Variants in IMMP1L observed in about 807,000 individuals in gnomAD.
The protein encoded by IMMP1L is inner mitochondrial membrane peptidase subunit 1.
In IMMP1L, 24 loss-of-function variants were observed where a neutral mutation model predicts 21.8. That is an observed-to-expected ratio of 1.10 (90% confidence interval 0.80 to 1.55). IMMP1L has a LOEUF of 1.55. Among genes scored for constraint, IMMP1L ranks in the 40% most tolerant of loss-of-function variants. The probability of loss-of-function intolerance (pLI) is 0.00; values close to 1 mark genes in which losing one functional copy is unlikely to be tolerated. For missense variants in IMMP1L, 195 were observed against 200.7 expected (o/e 0.97, Z 0.17); for synonymous variants, 46 against 62.8 (o/e 0.73, Z 1.26).
rs187815494 is a variant in IMMP1L at position 31,470,552 on chromosome 11, G to T, written c.-29-7247C>A. Among the ~76,000 whole-genome samples, 50 of 151,642 alleles carry T rather than the reference G, an allele frequency of 3.3e-4. 2 individuals carry two copies. The South Asian group carries it at 0.01, about 31-fold the overall frequency. On this transcript the variant is annotated intron_variant, in intron 1 of 5. Transcript: ENST00000532287. The stretch of plus-strand genomic sequence containing the variant: ...AAGACAATAACAAAAATATTTTACA[G>T]GACATAAAACATATATAAAAAAGAA...
At chr11:31,500,546 C>G (rs920328920) in intron 1 of IMMP1L, among the ~76,000 whole-genome samples, 1 of 151,608 alleles carries the variant, frequency 6.6e-6, no homozygotes, top group African/African-American at 2.4e-5. Flanking sequence ...CCTAAACTTT[C>G]AGGAAAAGAC....
intron 4 of IMMP1L, among the ~76,000 whole-genome samples, chr11:31,446,107 C>A (rs1225445433): frequency 6.6e-6 from 1 of 152,140 alleles, no homozygotes; most frequent in Non-Finnish European, 1.5e-5. Context: ...ATTAACATCT[C>A]CCCCAACAAC....
rs117521029 is a variant in IMMP1L at position 31,468,761 on chromosome 11, A to G, written c.-29-5456T>C. On this transcript the variant is annotated intron_variant, in intron 1 of 5. Coordinates refer to ENST00000532287, the MANE Select transcript of IMMP1L (RefSeq NM_001304274.2). ...CATTAAGTAATTTCTGTAAAGAAAAATATAGTAAAGTGATAGAGAATAACG... is the reference window on the plus strand; with the variant it reads ...CATTAAGTAATTTCTGTAAAGAAAAGTATAGTAAAGTGATAGAGAATAACG... Among the ~76,000 whole-genome samples, 73 of 152,302 alleles carry G rather than the reference A, an allele frequency of 4.8e-4. No homozygotes were observed. The East Asian group carries it at 0.012, about 25-fold the overall frequency.
At chr11:31,503,566 G>A (rs1235093586) in intron 1 of IMMP1L, among the ~76,000 whole-genome samples, 5 of 152,090 alleles carry the variant, frequency 3.3e-5, no homozygotes, top group Non-Finnish European at 5.9e-5. Flanking sequence ...TTATTTATCA[G>A]CAATAAATAA....
chr11:31,484,578 T>G (rs542183672), intron 1 of IMMP1L, among the ~76,000 whole-genome samples: 1 of 152,010 alleles, frequency 6.6e-6, no homozygotes, highest in South Asian at 2.1e-4. Flanking sequence ...CAATGAAAAC[T>G]CCTATACATA....
intron 1 of IMMP1L, among the ~76,000 whole-genome samples, chr11:31,482,484 T>C (rs145543288): frequency 6.6e-6 from 1 of 151,870 alleles, no homozygotes; most frequent in Admixed American, 6.6e-5. Flanking sequence ...TTTGAATATA[T>C]AAAGAACTCC....
At chr11:31,506,559 T>G (rs1478699040) in intron 1 of IMMP1L, among the ~76,000 whole-genome samples, 3 of 151,742 alleles carry the variant, frequency 2.0e-5, no homozygotes, top group Admixed American at 6.6e-5. Context: ...TTCCTTTCCA[T>G]GAATACTTTA....
intron 4 of IMMP1L, among the ~76,000 whole-genome samples, chr11:31,442,037 CTG>C (rs1953348849): frequency 6.6e-6 from 1 of 152,164 alleles, no homozygotes; most frequent in Non-Finnish European, 1.5e-5. Flanking sequence ...ATGCCATAAA[CTG>C]TTTTAATTTT....
At chr11:31,455,590 T>C (rs1482061832) in intron 4 of IMMP1L, among the ~76,000 whole-genome samples, 1 of 152,218 alleles carries the variant, frequency 6.6e-6, no homozygotes, top group Non-Finnish European at 1.5e-5. Context: ...TTTGTCAGAC[T>C]TCCCCCTAAT....
chr11:31,460,712 A>G lies in IMMP1L; in HGVS notation c.108T>C (p.Cys36=), dbSNP rs1954109992. ...AFEYVGGVVM[C]SGPSMEPTIQ... is the part of the protein sequence containing the mutation. ...TTGTAGGCTCCATTGATGGTCCAGA[A>G]CACTGAAAAGAGAGGTAATTTGTAA... is the stretch of plus-strand genomic sequence containing the variant. The change falls in exon 3 of 6, where the codon TGT becomes TGC. Residue 36 remains cysteine (C), a splice_region_variant and synonymous_variant. Transcript: ENST00000532287. 6.3e-7 allele frequency: 1 copy of G among 1,588,720 alleles called. No homozygotes were observed. Among genetic ancestry groups the G allele is most frequent in the Non-Finnish European group, 8.6e-7 (1 of 1,159,776 alleles).
At chr11:31,480,638 A>T (rs1445078474) in intron 1 of IMMP1L, among the ~76,000 whole-genome samples, 2 of 152,130 alleles carry the variant, frequency 1.3e-5, no homozygotes, top group African/African-American at 4.8e-5. Flanking sequence ...ATCAATAAAT[A>T]AGATGAATAA....
chr11:31,465,839 T>C (rs1591988088), intron 1 of IMMP1L, among the ~76,000 whole-genome samples: 2 of 151,896 alleles, frequency 1.3e-5, no homozygotes, highest in African/African-American at 4.8e-5. Flanking sequence ...TATAATACTA[T>C]AGGGGAAACA....
At chr11:31,449,126 G>A (rs555502385) in intron 4 of IMMP1L, 1 of 967,672 alleles carries the variant, frequency 1.0e-6, no homozygotes, top group Admixed American at 6.2e-5. Flanking sequence ...AGATACTCTA[G>A]TTGTAATAAG....
At chr11:31,456,803 TGAAGCCA>T (rs376779817) in intron 3 of IMMP1L, among the ~76,000 whole-genome samples, 6 of 139,242 alleles carry the variant, frequency 4.3e-5, no homozygotes, top group African/African-American at 1.6e-4. Context: ...GAGGATTGCT[TGAAGCCA>T]GGAGTTCACG....
At chr11:31,463,396 A>C (rs1029032015) in intron 1 of IMMP1L, 91 bp from the exon 2 acceptor site, 2 of 1,200,170 alleles carry the variant, frequency 1.7e-6, no homozygotes, top group Non-Finnish European at 2.2e-6. Context: ...ATCACCCAAA[A>C]TGTACTAAGT....
intron 3 of IMMP1L, among the ~76,000 whole-genome samples, chr11:31,459,916 G>A (rs1453973358): frequency 2.0e-5 from 3 of 152,124 alleles, no homozygotes; most frequent in African/African-American, 7.2e-5. Context: ...CAACACTTTG[G>A]GAGGCTGAGG....
At chr11:31,454,807 T>C (rs966619767) in intron 4 of IMMP1L, among the ~76,000 whole-genome samples, 2 of 152,220 alleles carry the variant, frequency 1.3e-5, no homozygotes, top group African/African-American at 4.8e-5. Context: ...AACAATGATA[T>C]GGCATTTAAA....
At chr11:31,463,045 TG>T in intron 2 of IMMP1L, 126 bp downstream of exon 2, 1 of 679,292 alleles carries the variant, frequency 1.5e-6, no homozygotes, top group Middle Eastern at 3.6e-4. Context: ...AAAGATTTTA[TG>T]TTTTAACTTT....
intron 2 of IMMP1L, among the ~76,000 whole-genome samples, 184 bp from the exon 3 acceptor site, chr11:31,460,898 T>C (rs150159260): frequency 2.8e-4 from 42 of 152,270 alleles, no homozygotes; most frequent in African/African-American, 8.4e-4. Flanking sequence ...TCTGGAAATA[T>C]AGACAAATAC....
Sources: allele counts gnomAD v4.1 joint callset (sites outside exome capture counted in the v4.1 genomes callset), GRCh38; gene constraint gnomAD v4.1.1; transcripts MANE v1.5; gene names NCBI Gene and HGNC (gene_info 2026-07-23, HGNC 2026-07-21).